The following ERBB4 variants were observed in gnomAD, a reference collection of about 807,000 sequenced individuals.
The protein encoded by ERBB4 is erb-b2 receptor tyrosine kinase 4.
A neutral mutation model predicts 158.0 loss-of-function variants in ERBB4; 42 were observed. That is an observed-to-expected ratio of 0.27 (90% CI 0.21 to 0.34). The LOEUF (loss-of-function observed/expected upper bound fraction) is 0.34. ERBB4 is among the 10% of genes least tolerant of loss of function. The pLI is 1.00. For synonymous variants in ERBB4, 583 were observed against 558.7 expected (o/e 1.04, Z -0.61); for missense variants, 1,333 against 1,624.1 (o/e 0.82, Z 3.08).
intron 20 of ERBB4, among the ~76,000 whole-genome samples, chr2:211,535,386 G>A (rs778723599): frequency 6.6e-6 from 1 of 151,958 alleles, no homozygotes; most frequent in Non-Finnish European, 1.5e-5. Flanking sequence ...GTTTACGGAT[G>A]TATATTAAAA....
At chr2:212,258,289 G>C (rs897676907) in intron 1 of ERBB4, among the ~76,000 whole-genome samples, 4 of 151,558 alleles carry the variant, frequency 2.6e-5, no homozygotes, top group African/African-American at 9.7e-5. Flanking sequence ...CTACTTTTTA[G>C]TTACATTAAC....
chr2:211,970,132 C>A (rs182664045), intron 2 of ERBB4, among the ~76,000 whole-genome samples: 1 of 152,156 alleles, frequency 6.6e-6, no homozygotes, highest in African/African-American at 2.4e-5. Context: ...TTGAATTCTG[C>A]ATAATTTTAT....
chr2:212,264,886 A>T (rs933441352), intron 1 of ERBB4, among the ~76,000 whole-genome samples: 1 of 152,158 alleles, frequency 6.6e-6, no homozygotes, highest in African/African-American at 2.4e-5. Context: ...GTCATCTGAA[A>T]TAAATAAACT....
intron 25 of ERBB4, among the ~76,000 whole-genome samples, chr2:211,408,968 A>G (rs1272308810): frequency 6.6e-6 from 1 of 152,226 alleles, no homozygotes; most frequent in African/African-American, 2.4e-5. Flanking sequence ...AGGGGACAGG[A>G]TATTTTTCAA....
chr2:211,719,347 T>G (rs1440769867), intron 7 of ERBB4, among the ~76,000 whole-genome samples: 3 of 152,168 alleles, frequency 2.0e-5, no homozygotes, highest in Non-Finnish European at 4.4e-5. Flanking sequence ...GAAGGATTAT[T>G]TTTTTCTCAC....
chr2:211,908,972 G>T (rs1248314442), intron 3 of ERBB4, among the ~76,000 whole-genome samples: 3 of 151,376 alleles, frequency 2.0e-5, no homozygotes, highest in Non-Finnish European at 4.4e-5. Context: ...TGTTATAACT[G>T]GTTTCTTATA....
intron 9 of ERBB4, among the ~76,000 whole-genome samples, chr2:211,708,513 C>T (rs2073539033): frequency 6.6e-6 from 1 of 151,996 alleles, no homozygotes; most frequent in Non-Finnish European, 1.5e-5. Context: ...ACATGCTGTG[C>T]TATAAACTAG....
intron 14 of ERBB4, among the ~76,000 whole-genome samples, chr2:211,669,669 A>G (rs973215194): frequency 1.3e-5 from 2 of 152,190 alleles, no homozygotes; most frequent in African/African-American, 4.8e-5. Context: ...CCCTTGCAAG[A>G]TTACCGTAAA....
chr2:211,850,707 G>A (rs1258624328), intron 3 of ERBB4, among the ~76,000 whole-genome samples: 1 of 151,884 alleles, frequency 6.6e-6, no homozygotes, highest in Non-Finnish European at 1.5e-5. Flanking sequence ...TGGCTGGTAG[G>A]TATTTGACAT....
At chr2:212,270,737 C>A (rs996121982) in intron 1 of ERBB4, among the ~76,000 whole-genome samples, 4 of 151,564 alleles carry the variant, frequency 2.6e-5, no homozygotes, top group African/African-American at 9.7e-5. Flanking sequence ...AAAGCTCAAG[C>A]TAGCTATTTG....
intron 20 of ERBB4, among the ~76,000 whole-genome samples, chr2:211,480,511 C>T (rs2065055961): frequency 6.6e-6 from 1 of 152,162 alleles, no homozygotes; most frequent in Non-Finnish European, 1.5e-5. Flanking sequence ...CTTGGCCCTT[C>T]TTTCGTGATT....
intron 1 of ERBB4, among the ~76,000 whole-genome samples, chr2:212,192,003 A>ATGT (rs1440179345): frequency 0.034 from 2,964 of 88,194 alleles, 93 homozygotes; most frequent in African/African-American, 0.098. Context: ...TATATGTTAT[A>ATGT]TATAATATAT....
At chr2:211,981,259 C>T (rs887652519) in intron 2 of ERBB4, among the ~76,000 whole-genome samples, 1 of 152,052 alleles carries the variant, frequency 6.6e-6, no homozygotes, top group Non-Finnish European at 1.5e-5. Context: ...ACTGGACCTG[C>T]GCACAGACTA....
At chr2:211,701,835 T>A in intron 12 of ERBB4, 132 bp downstream of exon 12, 6 of 533,466 alleles carry the variant, frequency 1.1e-5, no homozygotes, top group Non-Finnish European at 1.7e-5. Flanking sequence ...TTGTAACAAC[T>A]ACCTTCCTTT....
At chr2:211,652,852 C>T (rs2071048134) in intron 16 of ERBB4, among the ~76,000 whole-genome samples, 1 of 152,086 alleles carries the variant, frequency 6.6e-6, no homozygotes, top group African/African-American at 2.4e-5. Flanking sequence ...AGTCAGTTAA[C>T]ACATGGACTG....
rs911780109 is a variant in ERBB4, at chr2:211,908,501, G to A, written c.421+38929C>T. Among the ~76,000 whole-genome samples, 24 of 151,652 alleles carry A rather than the reference G, an allele frequency of 1.6e-4. 1 individual carries two copies. Among genetic ancestry groups the A allele is most frequent in the South Asian group, 6.2e-4 (3 of 4,802 alleles). ...TCAATAATCTACTGTGGAAAAAATCGTATATAATTAAATAAAATCACAGAC... is the reference window on the plus strand; with the variant it reads ...TCAATAATCTACTGTGGAAAAAATCATATATAATTAAATAAAATCACAGAC... On this transcript the variant is annotated intron_variant, in intron 3 of 27. Transcript: ENST00000342788.
rs113747767 is a variant in ERBB4 at position 212,535,913 on chromosome 2, A to T, written c.82+2536T>A. 4.9e-4 allele frequency among the ~76,000 whole-genome samples: 75 copies of T among 152,330 alleles called. 2 individuals are homozygous for T. Among genetic ancestry groups the T allele is most frequent in the African/African-American group, 1.6e-3 (66 of 41,564 alleles). On this transcript the variant is annotated intron_variant, in intron 1 of 27. Coordinates refer to ENST00000342788, the MANE Select transcript of ERBB4 (RefSeq NM_005235.3). ...TCACATAGAGCAGTAAATAAGGTGC[A>T]TTCCTTCTGCTTAAGAAATTAGCAT... is the stretch of plus-strand genomic sequence containing the variant.
intron 1 of ERBB4, among the ~76,000 whole-genome samples, chr2:212,356,573 C>A (rs1042340705): frequency 6.6e-6 from 1 of 151,944 alleles, no homozygotes; most frequent in African/African-American, 2.4e-5. Context: ...CACTTGTCTC[C>A]TAAAGTAGGT....
At chr2:211,724,538 A>T (rs551967641) in intron 6 of ERBB4, among the ~76,000 whole-genome samples, 9 of 152,258 alleles carry the variant, frequency 5.9e-5, no homozygotes, top group African/African-American at 2.2e-4. Context: ...GCTGACATGT[A>T]TGCCAAAGAC....
Sources: gnomAD v4.1 joint callset for allele counts (sites outside exome capture counted in the v4.1 genomes callset) on GRCh38, gnomAD v4.1.1 for gene constraint, MANE v1.5 for transcripts, NCBI Gene and HGNC (gene_info 2026-07-23, HGNC 2026-07-21) for gene names.